The following ZNF593OS variants were observed in gnomAD, a reference collection of about 807,000 sequenced individuals.
ZNF593OS encodes the protein ZNF593 opposite strand.
chr1:26,169,856 A>T, downstream of ZNF593OS: 1 of 1,025,074 alleles, frequency 9.8e-7, no homozygotes, highest in Non-Finnish European at 1.3e-6. Context: ...TGACGTCATC[A>T]GAGGCGGTCC....
chr1:26,170,245 T>G, downstream of ZNF593OS: 10 of 1,578,628 alleles, frequency 6.3e-6, no homozygotes, highest in Non-Finnish European at 8.6e-6. Flanking sequence ...CCGGGAGATG[T>G]GAAGTTGAAG....
Position 26,171,576 on chromosome 1 carries a change from G to C in ZNF593OS, c.45+41C>G, listed in dbSNP as rs2088497597. 1 of 398,532 alleles carries C rather than the reference G, an allele frequency of 2.5e-6. No individual in the cohort carries two copies. The highest frequency in any genetic ancestry group is 4.4e-5 in the Admixed American group (1 of 22,722). 24.7% of individuals were successfully genotyped at this position (398,532 alleles called of 1,614,324 possible). A position where few individuals can be genotyped will look rare whatever the true frequency, so the allele number is the denominator to read the frequency against. On this transcript the variant is annotated intron_variant, in intron 1 of 1. Transcript: ENST00000648649. The surrounding 1 kb of genome is among the most constrained non-coding windows in gnomAD (Gnocchi z 5.5). Reference sequence around the variant, plus strand: ...AACCCAGCTATGGTAGGGGGAGGAAGGGGTCAGTCGTGCCAGAAACCGTTG... The same window carrying C: ...AACCCAGCTATGGTAGGGGGAGGAACGGGTCAGTCGTGCCAGAAACCGTTG...
At chr1:26,169,916 C>T, downstream of ZNF593OS, 1 of 1,451,588 alleles carries the variant, frequency 6.9e-7, no homozygotes, top group Non-Finnish European at 9.1e-7. Context: ...CTGATCGGCC[C>T]GGAAGTGCTC....
rs1022516274 is a variant in ZNF593OS at position 26,171,515 on chromosome 1, G to A, written c.45+102C>T. The A allele has an allele frequency of 3.5e-5, 14 of 398,448 alleles. No homozygotes were observed. Among genetic ancestry groups the A allele is most frequent in the East Asian group, 1.4e-4 (4 of 28,076 alleles). 24.7% of individuals were successfully genotyped at this position (398,448 alleles called of 1,614,324 possible). A position where few individuals can be genotyped will look rare whatever the true frequency, so the allele number is the denominator to read the frequency against. Reference sequence around the variant, plus strand: ...CCCATCTGGGCCTGCCTGCTCAGGCGGCAGGGAACGTGACAGCCTGGCTGT... The same window carrying A: ...CCCATCTGGGCCTGCCTGCTCAGGCAGCAGGGAACGTGACAGCCTGGCTGT... On this transcript the variant is annotated intron_variant, in intron 1 of 1. Transcript: ENST00000648649. The surrounding 1 kb of genome is among the most constrained non-coding windows in gnomAD (Gnocchi z 5.5).
At chr1:26,169,944 C>G (rs562127693), downstream of ZNF593OS, 4 of 1,511,020 alleles carry the variant, frequency 2.6e-6, no homozygotes, top group African/African-American at 5.5e-5. Flanking sequence ...TGCTCCCTGC[C>G]CTGCTCCTGG....
Position 26,171,541 on chromosome 1 carries a change from TG to T in ZNF593OS, c.45+75del. On this transcript the variant is annotated intron_variant, in intron 1 of 1. Transcript: ENST00000648649. This position sits in a 1 kb window ranked among gnomAD's most constrained non-coding sequence, Gnocchi z 5.5. Reference sequence around the variant, plus strand: ...GCAGGGAACGTGACAGCCTGGCTGTTGGGGGTGTCAACCCAGCTATGGTAGG... The same window carrying T: ...GCAGGGAACGTGACAGCCTGGCTGTTGGGGTGTCAACCCAGCTATGGTAGG... The T allele has an allele frequency of 2.5e-6, 1 of 398,648 alleles. No homozygotes were observed. The highest frequency in any genetic ancestry group is 3.6e-5 in the East Asian group (1 of 28,070). 24.7% of individuals were successfully genotyped at this position (398,648 alleles called of 1,614,324 possible).
chr1:26,171,671 C>T lies in ZNF593OS; in HGVS notation c.-10G>A. On this transcript the variant is annotated 5_prime_UTR_variant, in exon 1 of 2. Transcript: ENST00000648649. The surrounding 1 kb of genome is among the most constrained non-coding windows in gnomAD (Gnocchi z 5.5). ...AGCGTCGAAATCGCATGGTGGGCGG[C>T]ACTGGTCTCCCTGGCGGCCTGTAGG... 1 of 398,646 alleles carries T rather than the reference C, an allele frequency of 2.5e-6. No homozygotes were observed. The allele number at this position is 398,646 out of a possible 1,614,324, so 24.7% of individuals were successfully genotyped here. A position where few individuals can be genotyped will look rare whatever the true frequency, so the allele number is the denominator to read the frequency against.
At chr1:26,169,570 A>G (rs1435730232), downstream of ZNF593OS, 1 of 205,124 alleles carries the variant, frequency 4.9e-6, no homozygotes, top group East Asian at 1.1e-4. Context: ...TGCTTTCCAG[A>G]GATAAAGCAT....
exon 2 of ZNF593OS, chr1:26,170,860 C>T (rs1198055657): frequency 9.4e-7 from 1 of 1,062,062 alleles, no homozygotes; most frequent in African/African-American, 1.6e-5. Flanking sequence ...AATAAAGGAA[C>T]TGGACAAAGA....
At chr1:26,170,168 G>A (rs768018648), downstream of ZNF593OS, 2 of 1,571,366 alleles carry the variant, frequency 1.3e-6, no homozygotes, top group Non-Finnish European at 8.6e-7. Flanking sequence ...GGTCTGCACC[G>A]CTGTCTGGCC....
chr1:26,169,977 T>A (rs1335351825), downstream of ZNF593OS: 25 of 1,538,198 alleles, frequency 1.6e-5, no homozygotes, highest in Non-Finnish European at 2.2e-5. Flanking sequence ...CCGGGCTGTT[T>A]CTGGCCATGG....
chr1:26,171,193 G>A lies in ZNF593OS; in HGVS notation c.188C>T (p.Pro63Leu), dbSNP rs915121060. 6 of 406,128 alleles carry A rather than the reference G, an allele frequency of 1.5e-5. No homozygotes were observed. Among genetic ancestry groups the A allele is most frequent in the Non-Finnish European group, 2.2e-5 (5 of 230,220 alleles). 25.2% of individuals were successfully genotyped at this position (406,128 alleles called of 1,614,324 possible). The change falls in exon 2 of 2, where the codon CCG becomes CTG. Residue 63 changes from proline to leucine, a missense_variant. Pro to Leu is a moderately conservative substitution (Grantham distance 98). Coordinates refer to ENST00000648649, the Ensembl canonical transcript of ZNF593OS. This position sits in a 1 kb window ranked among gnomAD's most constrained non-coding sequence, Gnocchi z 5.5. Reference sequence around the variant, plus strand: ...AGTGAGAGTCTCTCTTCTTCGTTACGGGGCCCGTGGCACCCGCCGCTGCCC... The same window carrying A: ...AGTGAGAGTCTCTCTTCTTCGTTACAGGGCCCGTGGCACCCGCCGCTGCCC...
chr1:26,171,228 C>G lies in ZNF593OS; in HGVS notation c.153G>C (p.Trp51Cys), dbSNP rs1488422126. Residue 51 changes from tryptophan (W) to cysteine (C), a missense_variant, in exon 2 of 2, where the codon TGG (tryptophan) becomes TGC (cysteine). By Grantham distance (215) the Trp-to-Cys change is radical (BLOSUM62 -2). Coordinates refer to ENST00000648649, the Ensembl canonical transcript of ZNF593OS. The surrounding 1 kb of genome is among the most constrained non-coding windows in gnomAD (Gnocchi z 5.5). ...GCACCCGCCGCTGCCCCACCATCTT[C>G]CAGACGGCATAGCAGGAGCCACCCA... The G allele has an allele frequency of 2.0e-5, 8 of 408,400 alleles. No individual in the cohort carries two copies. Among genetic ancestry groups the G allele is most frequent in the Non-Finnish European group, 3.0e-5 (7 of 231,248 alleles). The allele number at this position is 408,400 out of a possible 1,614,324, so 25.3% of individuals were successfully genotyped here. A position where few individuals can be genotyped will look rare whatever the true frequency, so the allele number is the denominator to read the frequency against.
At position 26,171,658 on chromosome 1, in the gene ZNF593OS, G is replaced by A. The variant is rs1475039249; in HGVS notation, c.4C>T (p.Arg2Ter). 2 of 398,546 alleles carry A rather than the reference G, an allele frequency of 5.0e-6. No individual in the cohort carries two copies. The highest frequency in any genetic ancestry group is 4.4e-5 in the Admixed American group (1 of 22,718). The allele number at this position is 398,546 out of a possible 1,614,324, so 24.7% of individuals were successfully genotyped here. A position where few individuals can be genotyped will look rare whatever the true frequency, so the allele number is the denominator to read the frequency against. The change falls in exon 1 of 2, where the codon CGA becomes TGA. Residue 2 changes from arginine to a stop codon, truncating the protein, a stop_gained. Coordinates refer to ENST00000648649, the Ensembl canonical transcript of ZNF593OS. LOFTEE classifies it high-confidence loss of function. This position sits in a 1 kb window ranked among gnomAD's most constrained non-coding sequence, Gnocchi z 5.5. The stretch of plus-strand genomic sequence containing the variant: ...TAACCAGGGGTCAAGCGTCGAAATC[G>A]CATGGTGGGCGGCACTGGTCTCCCT...
At chr1:26,170,181 C>T (rs1250430316), downstream of ZNF593OS, 1 of 1,572,126 alleles carries the variant, frequency 6.4e-7, no homozygotes, top group Non-Finnish European at 8.6e-7. Flanking sequence ...GTCTGGCCTG[C>T]GCGTGAGTCC....
chr1:26,170,131 G>A (rs776356418), downstream of ZNF593OS: 32 of 1,571,924 alleles, frequency 2.0e-5, no homozygotes, highest in African/African-American at 4.1e-5. Context: ...CCCAAACGCC[G>A]AGTTCGACCC....
downstream of ZNF593OS, chr1:26,169,888 C>A: frequency 7.6e-7 from 1 of 1,310,010 alleles, no homozygotes; most frequent in Non-Finnish European, 1.0e-6. Context: ...CCTAGCCCCC[C>A]GGCGTGGCCT....
downstream of ZNF593OS, chr1:26,170,199 G>T (rs1179197490): frequency 3.8e-6 from 6 of 1,575,780 alleles, no homozygotes; most frequent in Admixed American, 1.8e-5. Flanking sequence ...TCCCGGACGA[G>T]CCCGGCCTGG....
At chr1:26,170,348 G>C (rs943850221), downstream of ZNF593OS, 7 of 1,563,468 alleles carry the variant, frequency 4.5e-6, no homozygotes, top group East Asian at 2.2e-5. Context: ...GGACAAGCTA[G>C]GGCTAGGGAG....
Sources: gnomAD v4.1 joint callset for allele counts on GRCh38, gnomAD v4.1.1 for gene constraint, Gnocchi (gnomAD v3.1) non-coding constraint, MANE v1.5 for transcripts, NCBI Gene and HGNC (gene_info 2026-07-23, HGNC 2026-07-21) for gene names.